Variants in THAP3 observed in about 807,000 individuals in gnomAD.
THAP3 encodes THAP domain-containing protein 3.
THAP3 carries 12 observed loss-of-function variants against 17.7 expected under a neutral mutation model. The ratio of observed to expected loss-of-function variants is 0.68; its 90% CI spans 0.43 to 1.10. The LOEUF is 1.10. Ranked by LOEUF, THAP3 falls within the 50% of genes least tolerant of loss-of-function variation. The pLI is 0.00. For synonymous variants in THAP3, 133 were observed against 126.9 expected (o/e 1.05, Z -0.32); for missense variants, 289 against 318.0 (o/e 0.91, Z 0.69).
chr1:6,628,729 G>A lies in THAP3; in HGVS notation c.267+38G>A, dbSNP rs773398706. 6.3e-6 allele frequency: 10 copies of A among 1,575,008 alleles called. No homozygotes were observed. In the East Asian group the frequency reaches 1.1e-4, roughly 18 times the overall value. On this transcript the variant is annotated intron_variant, in intron 3 of 5. Coordinates refer to ENST00000054650, the MANE Select transcript of THAP3 (RefSeq NM_001195753.2). ...TGCACCTTCCGTCTGGTCACATCCA[G>A]CCTGCGTTGTTTACCAGCAGCTGGG...
chr1:6,634,645 T>C, downstream of THAP3: 2 of 1,366,400 alleles, frequency 1.5e-6, no homozygotes, highest in Non-Finnish European at 2.0e-6. Context: ...GTCCAGGCCG[T>C]GGAGGGGGTC....
chr1:6,634,566 A>G (rs1276624438), downstream of THAP3: 1 of 1,365,806 alleles, frequency 7.3e-7, no homozygotes, highest in Non-Finnish European at 9.8e-7. Context: ...AGGGGTCAGC[A>G]AGAGCAACTG....
Position 6,633,453 on chromosome 1 carries a change from G to A in THAP3, c.*376G>A, listed in dbSNP as rs533828399. The A allele has an allele frequency of 4.1e-5, 47 of 1,153,128 alleles. No homozygotes were observed. Among genetic ancestry groups the A allele is most frequent in the Middle Eastern group, 3.9e-4 (1 of 2,576 alleles). The allele number at this position is 1,153,128 out of a possible 1,614,324, so 71.4% of individuals were successfully genotyped here. On this transcript the variant is annotated 3_prime_UTR_variant, in exon 6 of 6. Transcript: ENST00000054650. ...CATGTGAGGGGGCTGGCTCTGTGGC[G>A]GGTGAGTGGTCCCCTCCTCCATCAG...
At chr1:6,625,324 C>T (rs1182536874) in intron 2 of THAP3, 32 bp downstream of exon 2, 27 of 1,512,148 alleles carry the variant, frequency 1.8e-5, no homozygotes, top group African/African-American at 2.9e-5. Context: ...GCGCGGGAGG[C>T]CCAGACCCGG....
At chr1:6,631,466 TA>T (rs1421237217) in intron 4 of THAP3, among the ~76,000 whole-genome samples, 1 of 151,448 alleles carries the variant, frequency 6.6e-6, no homozygotes, top group Non-Finnish European at 1.5e-5. Context: ...CCATCTCTAC[TA>T]AAAATATAAA....
chr1:6,632,045 T>TC (rs1641629332), intron 4 of THAP3, among the ~76,000 whole-genome samples: 1 of 52,728 alleles, frequency 1.9e-5, no homozygotes, highest in Non-Finnish European at 3.9e-5. Flanking sequence ...AGATTCCGTC[T>TC]CAAAAAAAAA....
At position 6,633,019 on chromosome 1, in the gene THAP3, G is replaced by A. The variant is rs760472872; in HGVS notation, c.662G>A (p.Arg221His). The part of the protein sequence containing the change: ...LVMRRMSSRL[R>H]ACKGHQGLQA... ...ATGCGAAGGATGTCCAGCCGCCTCCGTGCTTGCAAAGGGCACCAGGGACTC... is the reference window on the plus strand; with the variant it reads ...ATGCGAAGGATGTCCAGCCGCCTCCATGCTTGCAAAGGGCACCAGGGACTC... Residue 221 changes from arginine (R) to histidine (H), a missense_variant, in exon 6 of 6, where the codon CGT becomes CAT. Arg to His is a conservative substitution (Grantham distance 29). Coordinates refer to ENST00000054650, the MANE Select transcript of THAP3 (RefSeq NM_001195753.2). The A allele has an allele frequency of 2.0e-5, 32 of 1,612,028 alleles. 2 individuals carry two copies. In the Middle Eastern group the frequency reaches 2.8e-3, roughly 143 times the overall value.
rs370586850 is a variant in THAP3, at chr1:6,632,806, G to A, written c.449G>A (p.Arg150Gln). 2.5e-6 allele frequency: 4 copies of A among 1,612,802 alleles called. No individual in the cohort carries two copies. The highest frequency in any genetic ancestry group is 2.2e-5 in the East Asian group (1 of 44,894). ...AEGHVKQVSP[R>Q]RPQATEAVGR... is the part of the protein sequence containing the mutation. ...CTCCCCTGTCCTCAGGTCTCGCCAC[G>A]GAGGCCGCAAGCAACAGAGGCTGTT... Residue 150 changes from arginine to glutamine, a missense_variant, in exon 6 of 6, where the codon CGG becomes CAG. Transcript: ENST00000054650.
In THAP3 at chr1:6,630,221, C is replaced by T. The variant is rs1641570962; in HGVS notation, c.268-67C>T. On this transcript the variant is annotated intron_variant, in intron 3 of 5. Transcript: ENST00000054650. ...CCGAGCAGCGGGGACAAGCATGATG[C>T]CCGAGGCCTGCCCCGAGCTCTGAGG... The T allele has an allele frequency of 2.1e-6, 3 of 1,417,344 alleles. No individual in the cohort carries two copies. In the South Asian group the frequency reaches 3.4e-5, roughly 16 times the overall value. 87.8% of individuals were successfully genotyped at this position (1,417,344 alleles called of 1,614,324 possible).
At chr1:6,632,062 A>AT (rs1641629968) in intron 4 of THAP3, among the ~76,000 whole-genome samples, 1 of 150,610 alleles carries the variant, frequency 6.6e-6, no homozygotes, top group Non-Finnish European at 1.5e-5. Context: ...AAAAAAAAAA[A>AT]AAATTTAGCC....
chr1:6,625,416 G>C, intron 2 of THAP3, 124 bp downstream of exon 2: 1 of 862,570 alleles, frequency 1.2e-6, no homozygotes, highest in Non-Finnish European at 1.6e-6. Context: ...GGGACAGGCC[G>C]AGGTCCTGGG....
chr1:6,632,314 T>C (rs191392652), intron 4 of THAP3, 77 bp from the exon 5 acceptor site: 11 of 1,586,704 alleles, frequency 6.9e-6, no homozygotes, highest in Non-Finnish European at 9.4e-6. Context: ...GCCACTCCCC[T>C]AGAGGGACAA....
chr1:6,631,794 G>A (rs1258870131), intron 4 of THAP3, among the ~76,000 whole-genome samples: 2 of 152,092 alleles, frequency 1.3e-5, no homozygotes, highest in East Asian at 3.8e-4. Flanking sequence ...CTACTCTGGA[G>A]GAGAATCACT....
downstream of THAP3, chr1:6,633,716 C>A (rs1369043526): frequency 1.7e-5 from 6 of 361,410 alleles, no homozygotes; most frequent in Non-Finnish European, 2.3e-5. Flanking sequence ...CAAGACCAGC[C>A]TGGCCAACAT....
At chr1:6,632,041 C>A (rs1341607751) in intron 4 of THAP3, among the ~76,000 whole-genome samples, 1 of 108,626 alleles carries the variant, frequency 9.2e-6, no homozygotes, top group African/African-American at 3.7e-5. Flanking sequence ...AGTTAGATTC[C>A]GTCTCAAAAA....
At chr1:6,629,539 C>T (rs1641552142) in intron 3 of THAP3, 1 of 152,816 alleles carries the variant, frequency 6.5e-6, no homozygotes, top group Non-Finnish European at 1.5e-5. Flanking sequence ...CCTCAAACCC[C>T]CTCTTGCCTC....
chr1:6,634,157 G>A (rs1641706605), downstream of THAP3: 4 of 1,399,962 alleles, frequency 2.9e-6, no homozygotes, highest in South Asian at 3.6e-5. Context: ...ATACACGGAA[G>A]AGCGCCAGCC....
At chr1:6,632,604 T>G (rs1478959467) in intron 5 of THAP3, 109 bp downstream of exon 5, 1 of 1,520,158 alleles carries the variant, frequency 6.6e-7, no homozygotes, top group African/African-American at 1.4e-5. Context: ...CGAGGCAGGG[T>G]GTGCAGCCTG....
chr1:6,625,161 CT>C lies in THAP3; in HGVS notation c.-57del. 6.6e-7 allele frequency: 1 copy of C among 1,509,350 alleles called. No individual in the cohort carries two copies. The highest frequency in any genetic ancestry group is 1.4e-5 in the African/African-American group (1 of 70,400). The allele number at this position is 1,509,350 out of a possible 1,614,324, so 93.5% of individuals were successfully genotyped here. The stretch of plus-strand genomic sequence containing the variant: ...GCCCCTCCCCGCAGGTCCCTCCCCT[CT>C]CCGCAGGCCCCGCCGCCGCCGCCAT... On this transcript the variant is annotated 5_prime_UTR_variant, in exon 2 of 6. Coordinates refer to ENST00000054650, the MANE Select transcript of THAP3 (RefSeq NM_001195753.2).
Sources: gnomAD v4.1 joint callset for allele counts (sites outside exome capture counted in the v4.1 genomes callset) on GRCh38, gnomAD v4.1.1 for gene constraint, MANE v1.5 for transcripts, NCBI Gene and HGNC (gene_info 2026-07-23, HGNC 2026-07-21) for gene names.